The following ARHGAP29 variants were observed in gnomAD, a reference collection of about 807,000 sequenced individuals.
ARHGAP29 encodes the protein rho GTPase-activating protein 29.
Under a neutral mutation model 122.6 loss-of-function variants are expected in ARHGAP29, and 43 were observed. The ratio of observed to expected loss-of-function variants is 0.35; its 90% CI spans 0.27 to 0.45. The LOEUF is 0.45. Ranked by LOEUF, ARHGAP29 falls within the 20% of genes least tolerant of loss-of-function variation. The pLI is 1.00. For missense variants in ARHGAP29, 1,303 were observed against 1,477.2 expected (o/e 0.88, Z 1.93); for synonymous variants, 506 against 497.1 (o/e 1.02, Z -0.24).
At chr1:94,190,395 A>G (rs1650063308) in intron 12 of ARHGAP29, 1 of 232,206 alleles carries the variant, frequency 4.3e-6, no homozygotes, top group Admixed American at 5.2e-5. Flanking sequence ...GTTTCTGAGG[A>G]TCCTCATCTC....
intron 11 of ARHGAP29, 142 bp from the exon 12 acceptor site, chr1:94,201,999 T>C (rs1650880723): frequency 1.2e-6 from 1 of 806,884 alleles, no homozygotes; most frequent in Non-Finnish European, 1.9e-6. Flanking sequence ...TAATCTGTTC[T>C]GGTCAGTGAT....
chr1:94,210,988 T>C (rs1047703161), intron 3 of ARHGAP29, among the ~76,000 whole-genome samples: 5 of 150,136 alleles, frequency 3.3e-5, no homozygotes, highest in African/African-American at 7.4e-5. Flanking sequence ...AGTTGATTCA[T>C]CAAAAGGACA....
the ARHGAP29 span, among the ~76,000 whole-genome samples, chr1:94,304,246 C>A: frequency 6.6e-6 from 1 of 152,210 alleles, no homozygotes; most frequent in Non-Finnish European, 1.5e-5. Context: ...CTAAAGCTAT[C>A]CTCTGGCCTC....
chr1:94,197,486 T>C (rs1650547817), intron 12 of ARHGAP29, among the ~76,000 whole-genome samples: 3 of 152,028 alleles, frequency 2.0e-5, no homozygotes, highest in South Asian at 4.2e-4. Flanking sequence ...GAAAACAAAA[T>C]AGGAGGAAGC....
chr1:94,206,814 T>C (rs1224648169), intron 5 of ARHGAP29, among the ~76,000 whole-genome samples: 2 of 151,706 alleles, frequency 1.3e-5, no homozygotes, highest in Non-Finnish European at 2.9e-5. Context: ...AAGAAGTGTT[T>C]GAAATTAGAA....
intron 1 of ARHGAP29, among the ~76,000 whole-genome samples, chr1:94,250,012 T>A (rs911488968): frequency 2.0e-5 from 3 of 151,874 alleles, no homozygotes; most frequent in Admixed American, 6.6e-5. Flanking sequence ...ATTTTTTTTT[T>A]AAATCACAAA....
At chr1:94,205,269 T>G (rs747006954) in intron 6 of ARHGAP29, 71 bp from the exon 7 acceptor site, 1 of 1,246,656 alleles carries the variant, frequency 8.0e-7, no homozygotes, top group Non-Finnish European at 1.1e-6. Context: ...AAAGAAGCAC[T>G]GAGATCCTAA....
At chr1:94,258,220 A>G (rs1654433868) in intron 1 of ARHGAP29, among the ~76,000 whole-genome samples, 1 of 152,194 alleles carries the variant, frequency 6.6e-6, no homozygotes, top group Non-Finnish European at 1.5e-5. Flanking sequence ...AAAATTATTG[A>G]TAGACCCTTC....
intron 1 of ARHGAP29, among the ~76,000 whole-genome samples, chr1:94,252,663 G>C (rs189165929): frequency 6.6e-6 from 1 of 151,750 alleles, no homozygotes; most frequent in East Asian, 1.9e-4. Flanking sequence ...TAGAGTAAGG[G>C]AAAGGGAACA....
intron 3 of ARHGAP29, among the ~76,000 whole-genome samples, chr1:94,211,287 C>CAAAA (rs71094285): frequency 0.21 from 7,628 of 35,860 alleles, 2,779 homozygotes; most frequent in Non-Finnish European, 0.26. Context: ...GCTCTGGCTC[C>CAAAA]AAAAAAAAAA....
At chr1:94,178,210 A>C in intron 20 of ARHGAP29, 43 bp from the exon 21 acceptor site, 1 of 1,558,730 alleles carries the variant, frequency 6.4e-7, no homozygotes, top group Non-Finnish European at 8.7e-7. Context: ...TTTTCCTATT[A>C]GAGTTCCTTG....
At position 94,231,536 on chromosome 1, in the gene ARHGAP29, T is replaced by C. The variant is rs768935830; in HGVS notation, c.76A>G (p.Thr26Ala). 6.2e-6 allele frequency: 10 copies of C among 1,613,854 alleles called. No homozygotes were observed. In the East Asian group the frequency reaches 8.9e-5, roughly 14 times the overall value. The change falls in exon 2 of 23, where the codon ACT (threonine) becomes GCT (alanine). Residue 26 changes from threonine to alanine, a missense_variant. By Grantham distance (58) the Thr-to-Ala change is moderately conservative (BLOSUM62 0). This residue lies in a region of ARHGAP29 where 592 missense variants were observed against 648.2 expected (regional missense o/e 0.91). Coordinates refer to ENST00000260526, the MANE Select transcript of ARHGAP29 (RefSeq NM_004815.4). ...ASGQLSTDIT[T>A]SEMGLKSLSS... Reference sequence around the variant, plus strand: ...AAGGACTTGAGCCCCATTTCAGAAGTTGTAATATCAGTAGAGAGTTGACCT... The same window carrying C: ...AAGGACTTGAGCCCCATTTCAGAAGCTGTAATATCAGTAGAGAGTTGACCT...
chr1:94,220,377 ACTT>A lies in ARHGAP29; in HGVS notation c.218_220del (p.Glu73del). ...CAGTTCCTCTAGACGTATATGAATA[ACTT>A]CTTTAAAACAGTCTTTAAAAAGAAA... is the stretch of plus-strand genomic sequence containing the variant. On this transcript the variant is annotated inframe_deletion, in exon 3 of 23. Coordinates refer to ENST00000260526, the MANE Select transcript of ARHGAP29 (RefSeq NM_004815.4). The A allele has an allele frequency of 6.2e-7, 1 of 1,602,152 alleles. No individual in the cohort carries two copies. Among genetic ancestry groups the A allele is most frequent in the Non-Finnish European group, 8.5e-7 (1 of 1,173,454 alleles).
At chr1:94,195,975 G>A (rs971949297) in intron 12 of ARHGAP29, 2 of 152,042 alleles carry the variant, frequency 1.3e-5, no homozygotes, top group Admixed American at 6.6e-5. Context: ...TGTAAGCAAC[G>A]GAGCTTCAAA....
intron 15 of ARHGAP29, among the ~76,000 whole-genome samples, chr1:94,187,551 G>A (rs1322793236): frequency 1.3e-5 from 2 of 152,100 alleles, no homozygotes; most frequent in Non-Finnish European, 2.9e-5. Flanking sequence ...CCAAATGGAG[G>A]AAACAAGCAC....
intron 20 of ARHGAP29, among the ~76,000 whole-genome samples, chr1:94,178,885 T>C (rs79963159): frequency 6.6e-6 from 1 of 152,166 alleles, no homozygotes; most frequent in Admixed American, 6.5e-5. Context: ...AGATGCACAA[T>C]GAGCTCATGT....
At chr1:94,209,764 T>C (rs139738051) in intron 3 of ARHGAP29, among the ~76,000 whole-genome samples, 2 of 152,202 alleles carry the variant, frequency 1.3e-5, no homozygotes, top group East Asian at 3.9e-4. Context: ...CTGAAGGCAA[T>C]ATGAGGTACA....
At chr1:94,251,418 C>T (rs1654088314) in intron 1 of ARHGAP29, among the ~76,000 whole-genome samples, 4 of 152,154 alleles carry the variant, frequency 2.6e-5, no homozygotes, top group African/African-American at 9.6e-5. Flanking sequence ...GGATTACAGG[C>T]GTGAGCCACC....
At chr1:94,215,360 C>G (rs532910593) in intron 3 of ARHGAP29, among the ~76,000 whole-genome samples, 32 of 149,408 alleles carry the variant, frequency 2.1e-4, no homozygotes, top group Non-Finnish European at 4.3e-4. Flanking sequence ...TAGAACCAAA[C>G]AGCCAATTCA....
Sources: gnomAD v4.1 joint callset for allele counts (sites outside exome capture counted in the v4.1 genomes callset) on GRCh38, gnomAD v4.1.1 for gene constraint, gnomAD v4.1.1 regional missense constraint, MANE v1.5 for transcripts, NCBI Gene and HGNC (gene_info 2026-07-23, HGNC 2026-07-21) for gene names.